Variants in MBD1 observed in about 807,000 individuals in gnomAD.
MBD1 encodes the protein methyl-CpG-binding domain protein 1.
In MBD1, 25 loss-of-function variants were observed where a neutral mutation model predicts 82.6. The ratio of observed to expected loss-of-function variants is 0.30; its 90% CI spans 0.22 to 0.42. The LOEUF is 0.42. Among genes scored for constraint, MBD1 ranks in the 10% least tolerant of loss-of-function variants. The pLI is 1.00. For synonymous variants in MBD1, 301 were observed against 303.7 expected (o/e 0.99, Z 0.09); for missense variants, 627 against 819.6 (o/e 0.76, Z 2.87).
chr18:50,266,994 A>C (rs1142549), downstream of MBD1: 106,475 of 158,392 alleles, frequency 0.67, 36,170 homozygotes, highest in Admixed American at 0.74. Context: ...GGTGGAGTGC[A>C]GTGGCGTGAT....
chr18:50,269,904 T>A, intron 16 of MBD1, 86 bp from the exon 17 acceptor site: 3 of 1,156,172 alleles, frequency 2.6e-6, no homozygotes, highest in Non-Finnish European at 3.9e-6. Context: ...GTCAGATCCC[T>A]ATAATAAATC....
chr18:50,270,468 G>A (rs2035042399), intron 16 of MBD1: 1 of 387,092 alleles, frequency 2.6e-6, no homozygotes, highest in Non-Finnish European at 5.1e-6. Context: ...TCAGGCTGAG[G>A]GCAGGAGCCA....
In MBD1 at chr18:50,269,267, TA is replaced by T. The variant is rs1330534228; in HGVS notation, c.*583del. ...AGCTTTGCATTTTCAGCCACATAGTTATATTGAGTTATCCTCAGGTGAGCAG... is the reference window on the plus strand; with the variant it reads ...AGCTTTGCATTTTCAGCCACATAGTTTATTGAGTTATCCTCAGGTGAGCAG... On this transcript the variant is annotated 3_prime_UTR_variant, in exon 17 of 17. Transcript: ENST00000269468. 8.7e-7 allele frequency: 1 copy of T among 1,151,956 alleles called. No homozygotes were observed. Among genetic ancestry groups the T allele is most frequent in the African/African-American group, 1.6e-5 (1 of 62,598 alleles). 71.4% of individuals were successfully genotyped at this position (1,151,956 alleles called of 1,614,324 possible).
chr18:50,269,865 T>C, intron 16 of MBD1, 47 bp from the exon 17 acceptor site: 1 of 891,336 alleles, frequency 1.1e-6, no homozygotes, highest in Non-Finnish European at 1.9e-6. Context: ...TTACAGAGAC[T>C]GTTTAACCAG....
At chr18:50,275,533 G>A (rs1466535832) in intron 8 of MBD1, 67 bp downstream of exon 8, 2 of 1,612,820 alleles carry the variant, frequency 1.2e-6, no homozygotes, top group African/African-American at 1.3e-5. Context: ...AGGCCAGGTT[G>A]AAAGGAAGCA....
At chr18:50,277,848 ATATTATTT>A (rs1555695632) in intron 2 of MBD1, among the ~76,000 whole-genome samples, 65 of 151,994 alleles carry the variant, frequency 4.3e-4, no homozygotes, top group Admixed American at 9.2e-4. Flanking sequence ...TACTGTCTTA[ATATTATTT>A]AAAAAAAACC....
intron 1 of MBD1, among the ~76,000 whole-genome samples, chr18:50,280,676 G>GCCTC (rs1171497241): frequency 6.6e-6 from 1 of 151,334 alleles, no homozygotes; most frequent in African/African-American, 2.4e-5. Context: ...AGCCTCCCAT[G>GCCTC]CCTCCCCTTC....
chr18:50,267,234 G>T, downstream of MBD1: 1 of 219,874 alleles, frequency 4.5e-6, no homozygotes, highest in East Asian at 1.0e-4. Context: ...TACCGCGCGT[G>T]GCCGCAAATA....
rs775397392 is a variant in MBD1 at position 50,277,069 on chromosome 18, G to C, written c.225+21C>G. 3 of 1,613,740 alleles carry C rather than the reference G, an allele frequency of 1.9e-6. No individual in the cohort carries two copies. The East Asian group carries it at 6.7e-5, about 36-fold the overall frequency. On this transcript the variant is annotated intron_variant, in intron 3 of 16. Transcript: ENST00000269468. ...GGGTGGCACATCCACCCCTACCTAG[G>C]TATCTCATGTTGTGAAGTACCTTGG...
At chr18:50,274,128 G>GC (rs1358529861) in intron 11 of MBD1, 58 bp downstream of exon 11, 1 of 1,607,304 alleles carries the variant, frequency 6.2e-7, no homozygotes, top group Non-Finnish European at 8.5e-7. Context: ...CCACTTCCAG[G>GC]CACTGGGGCG....
chr18:50,274,392 T>C (rs1044954439), intron 10 of MBD1, 39 bp from the exon 11 acceptor site: 1 of 1,599,360 alleles, frequency 6.3e-7, no homozygotes, highest in Non-Finnish European at 8.5e-7. Context: ...CAACTAGGAC[T>C]AGGAGAGGCC....
In MBD1 at chr18:50,281,425, C is replaced by T. The variant is rs1183160065; in HGVS notation, c.-88G>A. ...GCCCGTGGACCCATGGCGAGGGTCC[C>T]TCCTGCACCTCCCGCCTCGCCCTCC... On this transcript the variant is annotated 5_prime_UTR_variant, in exon 1 of 17. Transcript: ENST00000269468. The T allele has an allele frequency of 1.7e-6, 1 of 601,684 alleles. No individual in the cohort carries two copies. The highest frequency in any genetic ancestry group is 1.9e-5 in the African/African-American group (1 of 53,882). The allele number at this position is 601,684 out of a possible 1,614,324, so 37.3% of individuals were successfully genotyped here.
At chr18:50,274,815 C>G (rs1442508067) in intron 10 of MBD1, among the ~76,000 whole-genome samples, 162 bp downstream of exon 10, 2 of 152,230 alleles carry the variant, frequency 1.3e-5, no homozygotes, top group African/African-American at 2.4e-5. Context: ...TCTCATGCAC[C>G]TGCTGACCCC....
In MBD1 at chr18:50,271,777, T is replaced by C. The variant is rs547755543; in HGVS notation, c.1779-237A>G. Among the ~76,000 whole-genome samples, 10 of 152,318 alleles carry C rather than the reference T, an allele frequency of 6.6e-5. No homozygotes were observed. In the East Asian group the frequency reaches 1.4e-3, roughly 21 times the overall value. On this transcript the variant is annotated intron_variant, in intron 15 of 16. Coordinates refer to ENST00000269468, the MANE Select transcript of MBD1 (RefSeq NM_015846.4). ...TGAAGGGTAAGCTTTGCAGGGCTCA[T>C]TGTCCTCAATGCTGTGCACCCAACA...
At position 50,276,943 on chromosome 18, in the gene MBD1, T is replaced by G. The variant is rs755330575; in HGVS notation, c.281A>C (p.Lys94Thr). The G allele has an allele frequency of 6.2e-7, 1 of 1,614,246 alleles. No individual in the cohort carries two copies. Among genetic ancestry groups the G allele is most frequent in the Non-Finnish European group, 8.5e-7 (1 of 1,180,036 alleles). Residue 94 changes from lysine to threonine, a missense_variant, in exon 4 of 17, where the codon AAG (lysine) becomes ACG (threonine). Around this residue, in one of 6 missense-constraint regions of MBD1, gnomAD observed 75 missense variants for 74.7 expected, o/e 1.00. Transcript: ENST00000269468. ...GGGTCCAACCTGACGTTTCCGAGTC[T>G]TGGCTGGCCTTGAAGGCTTCTTTCG... Reference protein sequence around the residue: ...KKRKKPSRPAKTRKRQVGPQS... With the variant: ...KKRKKPSRPATTRKRQVGPQS...
intron 5 of MBD1, 96 bp downstream of exon 5, chr18:50,276,566 C>G: frequency 5.4e-6 from 8 of 1,481,294 alleles, no homozygotes; most frequent in Non-Finnish European, 7.5e-6. Context: ...CCAGTAGCCT[C>G]TGTCCTGACA....
At chr18:50,279,831 C>A (rs548286782) in intron 2 of MBD1, 52 bp downstream of exon 2, 3 of 1,611,272 alleles carry the variant, frequency 1.9e-6, no homozygotes, top group Middle Eastern at 1.7e-4. Flanking sequence ...TTTGATTTTA[C>A]CAGAATCAGG....
intron 1 of MBD1, chr18:50,281,119 C>A (rs1401551445): frequency 6.6e-7 from 1 of 1,523,588 alleles, no homozygotes; most frequent in Admixed American, 2.0e-5. Flanking sequence ...GTTCTGATCT[C>A]CACCATTCCT....
chr18:50,274,682 T>G (rs947872579), intron 10 of MBD1, among the ~76,000 whole-genome samples: 2 of 152,152 alleles, frequency 1.3e-5, no homozygotes, highest in Non-Finnish European at 2.9e-5. Context: ...AACTCTCTAT[T>G]AGCTCCCATC....
Sources: gnomAD v4.1 joint callset for allele counts (sites outside exome capture counted in the v4.1 genomes callset) on GRCh38, gnomAD v4.1.1 for gene constraint, gnomAD v4.1.1 regional missense constraint, MANE v1.5 for transcripts, NCBI Gene and HGNC (gene_info 2026-07-23, HGNC 2026-07-21) for gene names.